SH3GL1: variants seen among roughly 807,000 people sequenced by gnomAD.
The protein encoded by SH3GL1 is endophilin-A2.
SH3GL1 carries 21 observed loss-of-function variants against 48.8 expected under a neutral mutation model. The ratio of observed to expected loss-of-function variants is 0.43; its 90% CI spans 0.30 to 0.62. The LOEUF (loss-of-function observed/expected upper bound fraction) is 0.62, where lower values mean the gene tolerates loss of function less well. Ranked by LOEUF, SH3GL1 falls within the 20% of genes least tolerant of loss-of-function variation. The pLI, the probability that SH3GL1 is intolerant of heterozygous loss-of-function variation, is 0.11. For missense variants in SH3GL1, 454 were observed against 503.0 expected, an observed-to-expected ratio of 0.90 and a Z score of 0.93; for synonymous variants, 282 against 217.5, an observed-to-expected ratio of 1.30 and a Z score of -2.61.
chr19:4,364,622 G>A (rs940755845), intron 4 of SH3GL1: 3 of 256,102 alleles, frequency 1.2e-5, no homozygotes, highest in Non-Finnish European at 2.3e-5. Flanking sequence ...ATAGAGACGG[G>A]GTTTCACCAT....
At chr19:4,377,914 G>A (rs756449008) in intron 1 of SH3GL1, among the ~76,000 whole-genome samples, 26 of 152,206 alleles carry the variant, frequency 1.7e-4, no homozygotes, top group Admixed American at 4.6e-4. Context: ...TTTGGGTCCC[G>A]GGCCTGGGAG....
rs1973294555 is a variant in SH3GL1, at chr19:4,389,415, G to C, written c.45+10909C>G. Among the ~76,000 whole-genome samples, 2 of 152,162 alleles carry C rather than the reference G, an allele frequency of 1.3e-5. No individual in the cohort carries two copies. Among genetic ancestry groups the C allele is most frequent in the Non-Finnish European group, 2.9e-5 (2 of 68,010 alleles). ...CAGACAGGAAGTGGAGAGAAAATGA[G>C]GTTGGGAGGTAGGAGAGGCCGGTGA... On this transcript the variant is annotated intron_variant, in intron 1 of 9. Transcript: ENST00000269886. The surrounding 1 kb of genome is among the most constrained non-coding windows in gnomAD (Gnocchi z 4.5).
intron 1 of SH3GL1, chr19:4,390,741 A>C (rs2144919578): frequency 6.6e-6 from 1 of 151,766 alleles, no homozygotes; most frequent in East Asian, 1.9e-4. Flanking sequence ...CCTGACACCT[A>C]CCCCACCCCC....
chr19:4,379,679 C>T, intron 1 of SH3GL1, among the ~76,000 whole-genome samples: 1 of 152,084 alleles, frequency 6.6e-6, no homozygotes, highest in Non-Finnish European at 1.5e-5. Context: ...TCCCGCCCTC[C>T]CTGCACCTCT....
At chr19:4,364,339 C>T (rs1373526499) in intron 4 of SH3GL1, 118 bp from the exon 5 acceptor site, 3 of 1,326,950 alleles carry the variant, frequency 2.3e-6, no homozygotes, top group Non-Finnish European at 3.2e-6. Context: ...TGGCGCTGTA[C>T]CAGCTCACTG....
Position 4,381,609 on chromosome 19 carries a change from C to T in SH3GL1, c.46-14615G>A, listed in dbSNP as rs1262583853. ...CTCTGTCTACCCTGCCTCCGTCTCC[C>T]CTGCCTCTGTCTCCCCTGTCCCTCT... On this transcript the variant is annotated intron_variant, in intron 1 of 9. Coordinates refer to ENST00000269886, the MANE Select transcript of SH3GL1 (RefSeq NM_003025.4). Among the ~76,000 whole-genome samples, 23 of 124,508 alleles carry T rather than the reference C, an allele frequency of 1.8e-4. 1 individual carries two copies. Among genetic ancestry groups the T allele is most frequent in the African/African-American group, 5.8e-4 (19 of 32,544 alleles). The allele number at this position is 124,508 out of a possible 152,430, so 81.7% of individuals were successfully genotyped here.
At position 4,362,341 on chromosome 19, in the gene SH3GL1, T is replaced by C; in HGVS notation, c.898A>G (p.Ser300Gly). 1 of 1,612,206 alleles carries C rather than the reference T, an allele frequency of 6.2e-7. No homozygotes were observed. Among genetic ancestry groups the C allele is most frequent in the Non-Finnish European group, 8.5e-7 (1 of 1,179,110 alleles). The change falls in exon 9 of 10, where the codon AGC becomes GGC. Residue 300 changes from serine (S) to glycine (G), a missense_variant. Ser to Gly is a moderately conservative substitution (Grantham distance 56). Around this residue, in one of 2 missense-constraint regions of SH3GL1, gnomAD observed 278 missense variants for 246.8 expected, o/e 1.13. Transcript: ENST00000269886. ...RSSDKPIRTP[S>G]RSMPPLDQPS... ...TGGGAACACTCACGCATGCTCCGGC[T>C]AGGGGTCCGGATGGGCTTGTCGGAA...
chr19:4,363,934 C>G, intron 5 of SH3GL1, 56 bp from the exon 6 acceptor site: 2 of 1,610,074 alleles, frequency 1.2e-6, no homozygotes. Flanking sequence ...CCGCCCCACG[C>G]ATGGCTTTGA....
chr19:4,377,765 G>A (rs544191011), intron 1 of SH3GL1, among the ~76,000 whole-genome samples: 5 of 152,310 alleles, frequency 3.3e-5, no homozygotes, highest in African/African-American at 4.8e-5. Context: ...CAGTGATGTC[G>A]GTGGTGGAAA....
At chr19:4,383,271 G>A (rs1026354584) in intron 1 of SH3GL1, among the ~76,000 whole-genome samples, 4 of 150,846 alleles carry the variant, frequency 2.7e-5, no homozygotes, top group African/African-American at 4.9e-5. Flanking sequence ...CTAGAGTGCA[G>A]TGGCGTGATC....
Position 4,365,525 on chromosome 19 carries a change from G to A in SH3GL1, c.288C>T (p.Cys96=), listed in dbSNP as rs746424143. 6.2e-7 allele frequency: 1 copy of A among 1,613,892 alleles called. No homozygotes were observed. The highest frequency in any genetic ancestry group is 1.7e-5 in the Admixed American group (1 of 60,008). ...CCAGCTCCTTCCCGTGGCGGATCAT[G>A]CACTCGCCCAGAAGCCCCTCCGACT... ...YPQSEGLLGE[C]MIRHGKELGG... The change falls in exon 4 of 10, where the codon TGC becomes TGT. Residue 96 remains cysteine, a synonymous_variant. Coordinates refer to ENST00000269886, the MANE Select transcript of SH3GL1 (RefSeq NM_003025.4).
intron 1 of SH3GL1, among the ~76,000 whole-genome samples, chr19:4,380,781 C>T (rs1200179706): frequency 2.0e-5 from 3 of 152,070 alleles, no homozygotes; most frequent in Admixed American, 6.5e-5. Flanking sequence ...AGTTAAGTAA[C>T]GGGGACTGAA....
chr19:4,375,414 T>C (rs1310022803), intron 1 of SH3GL1, among the ~76,000 whole-genome samples: 1 of 151,868 alleles, frequency 6.6e-6, no homozygotes, highest in African/African-American at 2.4e-5. Context: ...TCAGGGCAGG[T>C]GGAAGGGGAG....
chr19:4,372,052 T>C (rs1199752667), intron 1 of SH3GL1, among the ~76,000 whole-genome samples: 2 of 152,012 alleles, frequency 1.3e-5, no homozygotes, highest in Non-Finnish European at 1.5e-5. Flanking sequence ...CCTCAAGCAA[T>C]CCTACCTCAG....
At chr19:4,373,543 G>C (rs1241390676) in intron 1 of SH3GL1, among the ~76,000 whole-genome samples, 1 of 152,204 alleles carries the variant, frequency 6.6e-6, no homozygotes, top group East Asian at 1.9e-4. Context: ...CTGCCACCAT[G>C]GCCAGATTGG....
At chr19:4,374,393 G>T (rs1972964265) in intron 1 of SH3GL1, among the ~76,000 whole-genome samples, 1 of 152,200 alleles carries the variant, frequency 6.6e-6, no homozygotes, top group African/African-American at 2.4e-5. Flanking sequence ...GAGGCTCCGT[G>T]AGGGCAGCCC....
rs1973506981 is a variant in SH3GL1, at chr19:4,400,542, G to A, written c.-174C>T. Reference sequence around the variant, plus strand: ...GCCGCTCGCGCGCCCGCGCGGCCAGGATATTACATGGCAACCGCACGCTTC... The same window carrying A: ...GCCGCTCGCGCGCCCGCGCGGCCAGAATATTACATGGCAACCGCACGCTTC... On this transcript the variant is annotated 5_prime_UTR_variant, in exon 1 of 10. Coordinates refer to ENST00000269886, the MANE Select transcript of SH3GL1 (RefSeq NM_003025.4). The surrounding 1 kb of genome is among the most constrained non-coding windows in gnomAD (Gnocchi z 4.1). The A allele has an allele frequency of 6.2e-6, 2 of 322,592 alleles. No individual in the cohort carries two copies. The highest frequency in any genetic ancestry group is 8.9e-6 in the Non-Finnish European group (2 of 223,672). 20.0% of individuals were successfully genotyped at this position (322,592 alleles called of 1,614,324 possible). A position where few individuals can be genotyped will look rare whatever the true frequency, so the allele number is the denominator to read the frequency against.
chr19:4,363,140 G>A (rs1009224824), intron 7 of SH3GL1, among the ~76,000 whole-genome samples: 3 of 152,210 alleles, frequency 2.0e-5, no homozygotes, highest in Non-Finnish European at 4.4e-5. Flanking sequence ...CAGCCAGGGA[G>A]GGAGTCCCCG....
chr19:4,363,971 C>T (rs1312463703), intron 5 of SH3GL1, 93 bp from the exon 6 acceptor site: 1 of 1,603,184 alleles, frequency 6.2e-7, no homozygotes, highest in Non-Finnish European at 8.5e-7. Flanking sequence ...CACTGGGGAT[C>T]CTGCCTGCCT....
Sources: gnomAD v4.1 joint callset for allele counts (sites outside exome capture counted in the v4.1 genomes callset) on GRCh38, gnomAD v4.1.1 for gene constraint, gnomAD v4.1.1 regional missense constraint, Gnocchi (gnomAD v3.1) non-coding constraint, MANE v1.5 for transcripts, NCBI Gene and HGNC (gene_info 2026-07-23, HGNC 2026-07-21) for gene names.